The following STK32B variants were observed in gnomAD, a reference collection of about 807,000 sequenced individuals.
The protein encoded by STK32B is serine/threonine-protein kinase 32B.
In STK32B, 43 loss-of-function variants were observed where a neutral mutation model predicts 52.6. The observed-to-expected ratio is 0.82, with a 90% CI of 0.64 to 1.05. The LOEUF (loss-of-function observed/expected upper bound fraction) is 1.05, where lower values mean the gene tolerates loss of function less well. Ranked by LOEUF, STK32B falls within the 50% of genes least tolerant of loss-of-function variation. STK32B has a pLI of 0.00. For synonymous variants in STK32B, 238 were observed against 204.3 expected, an observed-to-expected ratio of 1.17 and a Z score of -1.41; for missense variants, 621 against 534.6, an observed-to-expected ratio of 1.16 and a Z score of -1.59.
chr4:5,256,945 AAGTGGATGAATAAGTGAGTG>A (rs1448307469), intron 3 of STK32B, among the ~76,000 whole-genome samples: 55 of 152,332 alleles, frequency 3.6e-4, no homozygotes, highest in Middle Eastern at 3.4e-3. Context: ...GTGAATGAGT[AAGTGGATGAATAAGTGAGTG>A]AGTGGATGAA....
At chr4:5,061,875 C>T (rs1159065360) in intron 1 of STK32B, among the ~76,000 whole-genome samples, 1 of 152,260 alleles carries the variant, frequency 6.6e-6, no homozygotes, top group Non-Finnish European at 1.5e-5. Flanking sequence ...TTGGAATCTG[C>T]TTTCCTGATT....
At chr4:5,157,552 C>T (rs1003502386) in intron 2 of STK32B, among the ~76,000 whole-genome samples, 2 of 152,004 alleles carry the variant, frequency 1.3e-5, no homozygotes, top group Non-Finnish European at 1.5e-5. Flanking sequence ...AAATGGGCCA[C>T]GTGGGGATCT....
intron 4 of STK32B, among the ~76,000 whole-genome samples, chr4:5,361,525 T>A (rs1313804378): frequency 6.6e-6 from 1 of 152,146 alleles, no homozygotes; most frequent in African/African-American, 2.4e-5. Flanking sequence ...GTGTGTGCCA[T>A]CATGCCCAGC....
chr4:5,434,103 A>C (rs1713823646), intron 6 of STK32B, among the ~76,000 whole-genome samples: 1 of 152,194 alleles, frequency 6.6e-6, no homozygotes, highest in Non-Finnish European at 1.5e-5. Context: ...GGGCAGCCAG[A>C]GTTCCCTGGT....
chr4:5,481,401 A>G (rs1323164594), intron 11 of STK32B, among the ~76,000 whole-genome samples: 3 of 152,156 alleles, frequency 2.0e-5, no homozygotes, highest in African/African-American at 7.2e-5. Context: ...GTGTCTGTTC[A>G]TATCCTTTGC....
intron 7 of STK32B, among the ~76,000 whole-genome samples, chr4:5,450,316 A>G (rs1715869698): frequency 2.0e-5 from 3 of 152,134 alleles, no homozygotes; most frequent in Non-Finnish European, 4.4e-5. Context: ...AAGAGATATG[A>G]GGAGATCTCC....
At position 5,401,386 on chromosome 4, in the gene STK32B, G is replaced by T. The variant is rs192863561; in HGVS notation, c.472+3142G>T. Among the ~76,000 whole-genome samples, 264 of 152,300 alleles carry T rather than the reference G, an allele frequency of 1.7e-3. 1 individual carries two copies. Among genetic ancestry groups the T allele is most frequent in the African/African-American group, 5.7e-3 (237 of 41,546 alleles). Reference sequence around the variant, plus strand: ...TTCTCAGAGAACAAGTTGGTCAGTTGTGTTTCAAATGAAATATAAACATAA... The same window carrying T: ...TTCTCAGAGAACAAGTTGGTCAGTTTTGTTTCAAATGAAATATAAACATAA... On this transcript the variant is annotated intron_variant, in intron 5 of 11. Coordinates refer to ENST00000282908, the MANE Select transcript of STK32B (RefSeq NM_018401.3).
chr4:5,047,233 C>T (rs1741636684), upstream of STK32B, among the ~76,000 whole-genome samples: 1 of 151,902 alleles, frequency 6.6e-6, no homozygotes, highest in Non-Finnish European at 1.5e-5. Context: ...CAAACTAACA[C>T]AGAAACAGAA....
chr4:5,325,760 G>A (rs1731830799), intron 3 of STK32B, among the ~76,000 whole-genome samples: 1 of 152,184 alleles, frequency 6.6e-6, no homozygotes, highest in African/African-American at 2.4e-5. Flanking sequence ...GAGTTACTGT[G>A]ATAGAGCTTA....
At chr4:5,403,135 C>A (rs1164278128) in intron 5 of STK32B, among the ~76,000 whole-genome samples, 2 of 152,236 alleles carry the variant, frequency 1.3e-5, no homozygotes, top group Non-Finnish European at 2.9e-5. Flanking sequence ...CTGCCCAGGG[C>A]TGGCCAATCC....
intron 3 of STK32B, among the ~76,000 whole-genome samples, chr4:5,214,880 C>A (rs1723098762): frequency 6.6e-6 from 1 of 152,122 alleles, no homozygotes; most frequent in African/African-American, 2.4e-5. Flanking sequence ...TAAGAGGAAG[C>A]AAGAGAGCAT....
chr4:5,296,102 A>G (rs1007487359), intron 3 of STK32B, among the ~76,000 whole-genome samples: 32 of 152,058 alleles, frequency 2.1e-4, no homozygotes, highest in African/African-American at 7.7e-4. Context: ...CTGGAGTTCT[A>G]ATTTGATTGC....
rs1560419679 is a variant in STK32B at position 5,446,055 on chromosome 4, A to ACCAATCATG, written c.563-617_563-616insCAATCATGC. Among the ~76,000 whole-genome samples the ACCAATCATG allele has an allele frequency of 2.6e-5, 4 of 152,178 alleles. No homozygotes were observed. The East Asian group carries it at 7.8e-4, about 30-fold the overall frequency. On this transcript the variant is annotated intron_variant, in intron 6 of 11. Coordinates refer to ENST00000282908, the MANE Select transcript of STK32B (RefSeq NM_018401.3). ...CCCCACCCGTTCTCCCAGCAAACAT[A>ACCAATCATG]CTCCACCAATCCACCCCCTCCAGGG...
the STK32B span, among the ~76,000 whole-genome samples, chr4:5,039,906 T>C: frequency 6.6e-6 from 1 of 152,242 alleles, no homozygotes; most frequent in Non-Finnish European, 1.5e-5. Context: ...AGACAGTGTC[T>C]ATCCTCTCTT....
intron 11 of STK32B, among the ~76,000 whole-genome samples, chr4:5,495,569 C>T (rs903281558): frequency 3.9e-5 from 6 of 152,228 alleles, no homozygotes; most frequent in East Asian, 1.9e-4. Context: ...GCCTTCTTCT[C>T]TCAACTCGTC....
At chr4:5,360,918 G>A (rs62297292) in intron 4 of STK32B, among the ~76,000 whole-genome samples, 7,329 of 152,244 alleles carry the variant, frequency 0.048, 464 homozygotes, top group Admixed American at 0.18. Flanking sequence ...TCAATGCTGT[G>A]CAACCAATCT....
chr4:5,200,539 G>C (rs139071502), intron 3 of STK32B, among the ~76,000 whole-genome samples: 1 of 152,128 alleles, frequency 6.6e-6, no homozygotes, highest in Non-Finnish European at 1.5e-5. Context: ...CACAGGGATC[G>C]TGCGGCAGAT....
intron 3 of STK32B, among the ~76,000 whole-genome samples, chr4:5,330,749 G>A (rs16837025): frequency 0.086 from 13,132 of 152,232 alleles, 1,222 homozygotes; most frequent in African/African-American, 0.21. Context: ...AGACTTGGAT[G>A]TCCCATAACA....
intron 3 of STK32B, among the ~76,000 whole-genome samples, chr4:5,208,154 A>G (rs1722693595): frequency 6.6e-6 from 1 of 151,832 alleles, no homozygotes; most frequent in Non-Finnish European, 1.5e-5. Flanking sequence ...TTGTAGGTTG[A>G]TGGTACCTCT....
Sources: gnomAD v4.1 joint callset for allele counts (sites outside exome capture counted in the v4.1 genomes callset) on GRCh38, gnomAD v4.1.1 for gene constraint, MANE v1.5 for transcripts, NCBI Gene and HGNC (gene_info 2026-07-23, HGNC 2026-07-21) for gene names.